Variants in KSR2 observed in about 807,000 individuals in gnomAD.
The protein encoded by KSR2 is kinase suppressor of ras 2.
Under a neutral mutation model 107.8 loss-of-function variants are expected in KSR2, and 25 were observed. That is an observed-to-expected ratio of 0.23 (90% CI 0.17 to 0.32). The LOEUF is 0.32. Ranked by LOEUF, KSR2 falls within the 10% of genes least tolerant of loss-of-function variation. KSR2 has a pLI of 1.00. For synonymous variants in KSR2, 480 were observed against 507.0 expected (o/e 0.95, Z 0.71); for missense variants, 887 against 1,268.9 (o/e 0.70, Z 4.57).
chr12:117,514,706 A>G (rs2137207583), intron 14 of KSR2, among the ~76,000 whole-genome samples: 1 of 151,794 alleles, frequency 6.6e-6, no homozygotes, highest in African/African-American at 2.4e-5. Flanking sequence ...ACACCATCAC[A>G]TCTGGCTAGT....
intron 4 of KSR2, among the ~76,000 whole-genome samples, chr12:117,684,684 G>T (rs367746267): frequency 6.6e-6 from 1 of 152,276 alleles, no homozygotes; most frequent in East Asian, 1.9e-4. Flanking sequence ...TCAGCACCAA[G>T]TTCTCTCTGT....
intron 4 of KSR2, among the ~76,000 whole-genome samples, chr12:117,737,219 T>G (rs1593184354): frequency 6.6e-6 from 1 of 152,186 alleles, no homozygotes; most frequent in East Asian, 1.9e-4. Flanking sequence ...TCCATCACAT[T>G]AGGATTAGAG....
chr12:117,947,599 A>G (rs1896238284), intron 1 of KSR2, among the ~76,000 whole-genome samples: 1 of 150,566 alleles, frequency 6.6e-6, no homozygotes, highest in South Asian at 2.1e-4. Flanking sequence ...CCCTATTCTC[A>G]GACAACATGA....
At chr12:117,695,992 C>G (rs566830884) in intron 4 of KSR2, among the ~76,000 whole-genome samples, 12 of 152,154 alleles carry the variant, frequency 7.9e-5, no homozygotes, top group African/African-American at 2.7e-4. Flanking sequence ...AAGCCATCGG[C>G]GGGCTGGGCT....
At chr12:117,633,603 G>A (rs1417603572) in intron 5 of KSR2, among the ~76,000 whole-genome samples, 1 of 152,142 alleles carries the variant, frequency 6.6e-6, no homozygotes, top group Admixed American at 6.5e-5. Context: ...GATAGTTGCT[G>A]GCAATCCTTG....
intron 1 of KSR2, among the ~76,000 whole-genome samples, chr12:117,910,983 C>A (rs1894992401): frequency 1.3e-5 from 2 of 151,110 alleles, no homozygotes; most frequent in Admixed American, 1.3e-4. Flanking sequence ...CACTACTCTG[C>A]CTTTAAGATA....
chr12:117,863,427 T>A (rs539357300), intron 1 of KSR2, among the ~76,000 whole-genome samples: 3 of 152,302 alleles, frequency 2.0e-5, no homozygotes, highest in African/African-American at 7.2e-5. Flanking sequence ...ACACCCATCA[T>A]CTGAGCCCCA....
intron 1 of KSR2, among the ~76,000 whole-genome samples, chr12:117,957,877 G>A (rs1381000596): frequency 6.7e-6 from 1 of 148,506 alleles, no homozygotes; most frequent in Non-Finnish European, 1.5e-5. Context: ...TGTTGCCCAG[G>A]CTGGAGTACA....
rs1893192020 is a variant in KSR2, at chr12:117,859,022, C to T, written c.321+1269G>A. Among the ~76,000 whole-genome samples, 3 of 152,088 alleles carry T rather than the reference C, an allele frequency of 2.0e-5. No individual in the cohort carries two copies. In the South Asian group the frequency reaches 6.2e-4, roughly 31 times the overall value. ...CAGGGGGTAAGAAAATCTCACAATCCTCAAGATGTTAAGAACGTGGTCTAA... is the reference window on the plus strand; with the variant it reads ...CAGGGGGTAAGAAAATCTCACAATCTTCAAGATGTTAAGAACGTGGTCTAA... On this transcript the variant is annotated intron_variant, in intron 2 of 19. Transcript: ENST00000339824.
intron 5 of KSR2, among the ~76,000 whole-genome samples, chr12:117,641,824 G>C (rs939424780): frequency 6.6e-6 from 1 of 152,122 alleles, no homozygotes; most frequent in Non-Finnish European, 1.5e-5. Flanking sequence ...GCGAAGGCTT[G>C]TGAGCTTCCC....
In KSR2 at chr12:117,455,063, AG is replaced by A. The variant is rs1266531429; in HGVS notation, c.*12135del. On this transcript the variant is annotated 3_prime_UTR_variant, in exon 20 of 20. Transcript: ENST00000339824. The stretch of plus-strand genomic sequence containing the variant: ...GAGAGAGAGAGAGAGAGAGAGAGAG[AG>A]AGAGAGAGGTCTGTAGAGCCAGAGA... 1 of 151,514 alleles carries A rather than the reference AG, an allele frequency of 6.6e-6. No homozygotes were observed. Among genetic ancestry groups the A allele is most frequent in the Non-Finnish European group, 1.5e-5 (1 of 68,072 alleles). The allele number at this position is 151,514 out of a possible 1,614,324, so 9.4% of individuals were successfully genotyped here. A position where few individuals can be genotyped will look rare whatever the true frequency, so the allele number is the denominator to read the frequency against.
chr12:117,574,515 G>A lies in KSR2; in HGVS notation c.1325+4604C>T, dbSNP rs1486140210. Among the ~76,000 whole-genome samples, 3 of 152,160 alleles carry A rather than the reference G, an allele frequency of 2.0e-5. No homozygotes were observed. The South Asian group carries it at 6.2e-4, about 32-fold the overall frequency. ...GACAAGAGAGAATGAAGAAAATCAA[G>A]CGAAAGGGGTTTCCCCTCATAAAAC... On this transcript the variant is annotated intron_variant, in intron 7 of 19. Coordinates refer to ENST00000339824, the MANE Select transcript of KSR2 (RefSeq NM_173598.6).
chr12:117,843,680 T>C (rs1192411266), intron 3 of KSR2, among the ~76,000 whole-genome samples: 1 of 152,160 alleles, frequency 6.6e-6, no homozygotes. Context: ...CACAGCCAAC[T>C]CTTCTTCCTG....
intron 1 of KSR2, among the ~76,000 whole-genome samples, chr12:117,887,406 A>T (rs1894208661): frequency 6.6e-6 from 1 of 152,008 alleles, no homozygotes; most frequent in South Asian, 2.1e-4. Flanking sequence ...TGGCCCCTTG[A>T]CTTCCTTTCC....
intron 5 of KSR2, among the ~76,000 whole-genome samples, chr12:117,645,868 CGT>C (rs58896782): frequency 0.074 from 10,472 of 141,956 alleles, 518 homozygotes; most frequent in East Asian, 0.24. Context: ...TGTGTATGTG[CGT>C]GTGTGTGTGT....
rs144087735 is a variant in KSR2, at chr12:117,781,196, G to A, written c.473-19672C>T. Among the ~76,000 whole-genome samples, 40 of 152,216 alleles carry A rather than the reference G, an allele frequency of 2.6e-4. 1 individual carries two copies. In the East Asian group the frequency reaches 5.6e-3, roughly 21 times the overall value. On this transcript the variant is annotated intron_variant, in intron 3 of 19. Coordinates refer to ENST00000339824, the MANE Select transcript of KSR2 (RefSeq NM_173598.6). ...TAAAAAGTCCCTTTGCTTTTCCTTC[G>A]TCTTCCGCCATGATCGTGAGGCCTC...
chr12:117,760,876 C>T, intron 4 of KSR2, 135 bp downstream of exon 4: 2 of 1,129,040 alleles, frequency 1.8e-6, no homozygotes, highest in Admixed American at 2.6e-5. Flanking sequence ...TGTGAAAAGC[C>T]ATTTTTCATT....
At chr12:117,844,252 T>G (rs1290345372) in intron 3 of KSR2, among the ~76,000 whole-genome samples, 1 of 152,088 alleles carries the variant, frequency 6.6e-6, no homozygotes, top group Non-Finnish European at 1.5e-5. Flanking sequence ...CCATCTTGGA[T>G]GTTCCAGCCC....
intron 14 of KSR2, among the ~76,000 whole-genome samples, chr12:117,491,696 G>A (rs572995807): frequency 3.9e-5 from 6 of 152,210 alleles, no homozygotes; most frequent in African/African-American, 1.4e-4. Flanking sequence ...TGAACCGGGG[G>A]AGCACAGATC....
Sources: gnomAD v4.1 joint callset for allele counts (sites outside exome capture counted in the v4.1 genomes callset) on GRCh38, gnomAD v4.1.1 for gene constraint, MANE v1.5 for transcripts, NCBI Gene and HGNC (gene_info 2026-07-23, HGNC 2026-07-21) for gene names.